FOXK1: variants seen among roughly 807,000 people sequenced by gnomAD.
FOXK1 encodes the protein forkhead box protein K1.
In FOXK1, 19 loss-of-function variants were observed where a neutral mutation model predicts 51.9. That is an observed-to-expected ratio of 0.37 (90% CI 0.26 to 0.54). FOXK1 has a LOEUF of 0.54. Ranked by LOEUF, FOXK1 falls within the 20% of genes least tolerant of loss-of-function variation. The probability of loss-of-function intolerance (pLI) is 0.87; values close to 1 mark genes in which losing one functional copy is unlikely to be tolerated. For synonymous variants in FOXK1, 537 were observed against 482.6 expected (o/e 1.11, Z -1.48); for missense variants, 870 against 1,032.7 (o/e 0.84, Z 2.16).
At chr7:4,742,810 T>A (rs545470924) in intron 2 of FOXK1, among the ~76,000 whole-genome samples, 47 of 152,204 alleles carry the variant, frequency 3.1e-4, no homozygotes, top group Non-Finnish European at 4.0e-4. Context: ...TCCTCTACCC[T>A]GCTTTGCCGA....
rs1222082295 is a variant in FOXK1 at position 4,734,667 on chromosome 7, G to A, written c.561-6171G>A. On this transcript the variant is annotated intron_variant, in intron 1 of 8. Coordinates refer to ENST00000328914, the MANE Select transcript of FOXK1 (RefSeq NM_001037165.2). The surrounding 1 kb of genome is among the most constrained non-coding windows in gnomAD (Gnocchi z 5.2). ...GCTGGGTCTCAGGCTTTTCTCCTGC[G>A]CCATTGTCTGCTGATAGCTGGGCTC... Among the ~76,000 whole-genome samples, 5 of 152,316 alleles carry A rather than the reference G, an allele frequency of 3.3e-5. No homozygotes were observed. The highest frequency in any genetic ancestry group is 1.9e-4 in the East Asian group (1 of 5,166).
In FOXK1 at chr7:4,707,586, G is replaced by C. The variant is rs185752140; in HGVS notation, c.560+24718G>C. 4.6e-5 allele frequency among the ~76,000 whole-genome samples: 7 copies of C among 152,252 alleles called. No individual in the cohort carries two copies. The highest frequency in any genetic ancestry group is 3.9e-4 in the Admixed American group (6 of 15,288). ...AATTGTCTCTTACGCCTTCCTTTCC[G>C]GGTTTTCCTGGAGAAGGCTGCCTCA... On this transcript the variant is annotated intron_variant, in intron 1 of 8. Transcript: ENST00000328914. The surrounding 1 kb of genome is among the most constrained non-coding windows in gnomAD (Gnocchi z 4.1).
chr7:4,754,583 C>G lies in FOXK1; in HGVS notation c.871C>G (p.Gln291Glu). 3 of 1,607,304 alleles carry G rather than the reference C, an allele frequency of 1.9e-6. No homozygotes were observed. Among genetic ancestry groups the G allele is most frequent in the Non-Finnish European group, 2.5e-6 (3 of 1,179,990 alleles). Reference sequence around the variant, plus strand: ...TGCAGCAAAGGCCGCGTCGGAGCAGCAGGCAGACACGTCTGGAGGAGACAG... The same window carrying G: ...TGCAGCAAAGGCCGCGTCGGAGCAGGAGGCAGACACGTCTGGAGGAGACAG... ...EFAAKAASEQ[Q>E]ADTSGGDSPK... Residue 291 changes from glutamine (Q) to glutamate (E), a missense_variant, in exon 3 of 9, where the codon CAG becomes GAG. By Grantham distance (29) the Gln-to-Glu change is conservative. Around this residue, in one of 3 missense-constraint regions of FOXK1, gnomAD observed 399 missense variants for 475.6 expected, o/e 0.84. Transcript: ENST00000328914.
At chr7:4,718,184 C>G (rs1780261891) in intron 1 of FOXK1, among the ~76,000 whole-genome samples, 1 of 152,090 alleles carries the variant, frequency 6.6e-6, no homozygotes, top group South Asian at 2.1e-4. Context: ...ACGCGTCCAT[C>G]AGCATCACAG....
intron 1 of FOXK1, among the ~76,000 whole-genome samples, chr7:4,696,115 CAAA>C (rs1192472036): frequency 1.4e-4 from 11 of 80,106 alleles, no homozygotes; most frequent in African/African-American, 1.5e-4. Context: ...GACTGTGTCT[CAAA>C]AAAAAAAAAA....
chr7:4,757,852 G>GC (rs1780876470), intron 5 of FOXK1, among the ~76,000 whole-genome samples: 1 of 151,936 alleles, frequency 6.6e-6, no homozygotes, highest in African/African-American at 2.4e-5. Context: ...CACAACCCCC[G>GC]CCCCTCAAGT....
rs1274336394 is a variant in FOXK1, at chr7:4,766,416, G to C, written c.*3952G>C. On this transcript the variant is annotated 3_prime_UTR_variant, in exon 9 of 9. Transcript: ENST00000328914. The surrounding 1 kb of genome is among the most constrained non-coding windows in gnomAD (Gnocchi z 5.5). ...GGCGGGGACCATGACCAGGCGGGTGGAGCCATGTGTGTCTCACACCTGCCG... is the reference window on the plus strand; with the variant it reads ...GGCGGGGACCATGACCAGGCGGGTGCAGCCATGTGTGTCTCACACCTGCCG... 6.6e-6 allele frequency: 1 copy of C among 152,216 alleles called. No homozygotes were observed. The highest frequency in any genetic ancestry group is 1.5e-5 in the Non-Finnish European group (1 of 68,052). The allele number at this position is 152,216 out of a possible 1,614,324, so 9.4% of individuals were successfully genotyped here.
rs1205539400 is a variant in FOXK1, at chr7:4,763,761, G to A, written c.*1297G>A. 1 of 152,322 alleles carries A rather than the reference G, an allele frequency of 6.6e-6. No individual in the cohort carries two copies. Among genetic ancestry groups the A allele is most frequent in the African/African-American group, 2.4e-5 (1 of 41,462 alleles). The allele number at this position is 152,322 out of a possible 1,614,324, so 9.4% of individuals were successfully genotyped here. A position where few individuals can be genotyped will look rare whatever the true frequency, so the allele number is the denominator to read the frequency against. On this transcript the variant is annotated 3_prime_UTR_variant, in exon 9 of 9. Transcript: ENST00000328914. ...GATCTTTGTCACCAAGCAGCGTTGA[G>A]CCAGAGCTGTCTAATGCTGAGCCCA...
Position 4,703,048 on chromosome 7 carries a change from T to G in FOXK1, c.560+20180T>G, listed in dbSNP as rs1470621584. Among the ~76,000 whole-genome samples the G allele has an allele frequency of 6.6e-6, 1 of 152,110 alleles. No homozygotes were observed. The highest frequency in any genetic ancestry group is 6.5e-5 in the Admixed American group (1 of 15,282). On this transcript the variant is annotated intron_variant, in intron 1 of 8. Transcript: ENST00000328914. This position sits in a 1 kb window ranked among gnomAD's most constrained non-coding sequence, Gnocchi z 5.6. ...CCTCAGCTCCCCCTGCCAGGTCCGGTTGGGGACCGAGACCCCTGGTTGCTT... is the reference window on the plus strand; with the variant it reads ...CCTCAGCTCCCCCTGCCAGGTCCGGGTGGGGACCGAGACCCCTGGTTGCTT...
intron 1 of FOXK1, among the ~76,000 whole-genome samples, chr7:4,716,464 C>T (rs1780236358): frequency 6.6e-6 from 1 of 152,114 alleles, no homozygotes; most frequent in South Asian, 2.1e-4. Context: ...TATGATGGCA[C>T]CACTGCTCTC....
At chr7:4,705,434 G>A (rs556497977) in intron 1 of FOXK1, among the ~76,000 whole-genome samples, 6 of 151,698 alleles carry the variant, frequency 4.0e-5, no homozygotes, top group Non-Finnish European at 8.8e-5. Flanking sequence ...CTCCCACCTT[G>A]GCCTCCCGCA....
Position 4,731,957 on chromosome 7 carries a change from C to T in FOXK1, c.561-8881C>T, listed in dbSNP as rs948310330. 2.0e-5 allele frequency among the ~76,000 whole-genome samples: 3 copies of T among 152,178 alleles called. No individual in the cohort carries two copies. The highest frequency in any genetic ancestry group is 2.4e-5 in the African/African-American group (1 of 41,442). ...TGGAGACCTGAGGCCACACGGAGGC[C>T]GGGCTGGCCAGGGCGGGGCTCAGAT... On this transcript the variant is annotated intron_variant, in intron 1 of 8. Coordinates refer to ENST00000328914, the MANE Select transcript of FOXK1 (RefSeq NM_001037165.2). The surrounding 1 kb of genome is among the most constrained non-coding windows in gnomAD (Gnocchi z 5.3).
rs1780887010 is a variant in FOXK1, at chr7:4,758,685, G to A, written c.1245-366G>A. On this transcript the variant is annotated intron_variant, in intron 5 of 8. Transcript: ENST00000328914. This position sits in a 1 kb window ranked among gnomAD's most constrained non-coding sequence, Gnocchi z 4.4. ...CCCTCTCGGGTAGAGTTTTCATGGT[G>A]GAACGGTTGCGCCCACCAAACAGAA... The A allele has an allele frequency of 4.2e-6, 1 of 240,516 alleles. No individual in the cohort carries two copies. Among genetic ancestry groups the A allele is most frequent in the African/African-American group, 2.3e-5 (1 of 43,986 alleles). The allele number at this position is 240,516 out of a possible 1,614,324, so 14.9% of individuals were successfully genotyped here.
chr7:4,736,801 G>A (rs528814933), intron 1 of FOXK1, among the ~76,000 whole-genome samples: 42 of 152,226 alleles, frequency 2.8e-4, no homozygotes, highest in African/African-American at 7.2e-4. Context: ...TCACAGAAGC[G>A]CAGAGAGGTT....
chr7:4,689,822 C>G (rs1779869831), intron 1 of FOXK1, among the ~76,000 whole-genome samples: 3 of 151,846 alleles, frequency 2.0e-5, no homozygotes, highest in Non-Finnish European at 4.4e-5. Flanking sequence ...TCCTCTTCTC[C>G]TGGGGTTTTC....
rs754783299 is a variant in FOXK1 at position 4,759,534 on chromosome 7, G to A, written c.1635G>A (p.Ala545=). The change falls in exon 7 of 9, where the codon GCG becomes GCA. Residue 545 remains alanine (A), a synonymous_variant. Transcript: ENST00000328914. The part of the protein sequence containing the change: ...ANGYILTSQG[A]AGGSHDAAGA... ...GATACATCCTCACCAGCCAGGGCGC[G>A]GCGGGGGGCTCCCATGATGCGGCGG... 243 of 1,559,338 alleles carry A rather than the reference G, an allele frequency of 1.6e-4. No individual in the cohort carries two copies. Among genetic ancestry groups the A allele is most frequent in the Non-Finnish European group, 2.0e-4 (237 of 1,158,900 alleles).
rs1461153448 is a variant in FOXK1, at chr7:4,761,570, A to T, written c.1921+282A>T. 2.6e-5 allele frequency among the ~76,000 whole-genome samples: 4 copies of T among 152,058 alleles called. No homozygotes were observed. The highest frequency in any genetic ancestry group is 9.7e-5 in the African/African-American group (4 of 41,388). On this transcript the variant is annotated intron_variant, in intron 8 of 8. Coordinates refer to ENST00000328914, the MANE Select transcript of FOXK1 (RefSeq NM_001037165.2). This position sits in a 1 kb window ranked among gnomAD's most constrained non-coding sequence, Gnocchi z 6.2. ...TAGCAAGACCCCATCTCTACATAAGATTCAAAAACTTAGCCAGGTGTGGTG... is the reference window on the plus strand; with the variant it reads ...TAGCAAGACCCCATCTCTACATAAGTTTCAAAAACTTAGCCAGGTGTGGTG...
At chr7:4,725,620 C>G (rs572670375) in intron 1 of FOXK1, among the ~76,000 whole-genome samples, 1 of 152,248 alleles carries the variant, frequency 6.6e-6, no homozygotes, top group Non-Finnish European at 1.5e-5. Flanking sequence ...ATGCTCCGGG[C>G]GTGTGGCTGT....
At chr7:4,759,650 G>A (rs560240503) in intron 7 of FOXK1, 55 bp downstream of exon 7, 5 of 1,494,990 alleles carry the variant, frequency 3.3e-6, no homozygotes, top group South Asian at 2.6e-5. Flanking sequence ...GGTCCCGGCC[G>A]GCAAGTCCCC....
Sources: gnomAD v4.1 joint callset for allele counts (sites outside exome capture counted in the v4.1 genomes callset) on GRCh38, gnomAD v4.1.1 for gene constraint, gnomAD v4.1.1 regional missense constraint, Gnocchi (gnomAD v3.1) non-coding constraint, MANE v1.5 for transcripts, NCBI Gene and HGNC (gene_info 2026-07-23, HGNC 2026-07-21) for gene names.